The following BIN2 variants were observed in gnomAD, a reference collection of about 807,000 sequenced individuals.
The protein encoded by BIN2 is breast cancer associated protein BRAP1.
A neutral mutation model predicts 67.9 loss-of-function variants in BIN2; 43 were observed. That is an observed-to-expected ratio of 0.63 (90% confidence interval 0.50 to 0.82). The LOEUF (loss-of-function observed/expected upper bound fraction) is 0.82, where lower values mean the gene tolerates loss of function less well. BIN2 is among the 40% of genes least tolerant of loss of function. The pLI is 0.00. For missense variants in BIN2, 581 were observed against 671.6 expected, an observed-to-expected ratio of 0.87 and a Z score of 1.49; for synonymous variants, 244 against 246.8, an observed-to-expected ratio of 0.99 and a Z score of 0.11.
chr12:51,302,036 T>G lies in BIN2; in HGVS notation c.392A>C (p.Gln131Pro), dbSNP rs1473306528. ...ATTGAGTACCTTAATTTCACTGAAC[T>G]GGGCAACATAGATTTCCATGGTCCT... Reference protein sequence around the residue: ...AVRTMEIYVAQFSEIKERIAK... With the variant: ...AVRTMEIYVAPFSEIKERIAK... Residue 131 changes from glutamine to proline, a missense_variant, in exon 5 of 13, where the codon CAG (glutamine) becomes CCG (proline). By Grantham distance (76) the Gln-to-Pro change is moderately conservative. Transcript: ENST00000615107. 4.3e-6 allele frequency: 7 copies of G among 1,613,012 alleles called. No homozygotes were observed. The highest frequency in any genetic ancestry group is 4.2e-6 in the Non-Finnish European group (5 of 1,179,032).
intron 4 of BIN2, 198 bp downstream of exon 4, chr12:51,302,488 A>G (rs1307303080): frequency 3.5e-6 from 2 of 578,322 alleles, no homozygotes; most frequent in African/African-American, 3.7e-5. Flanking sequence ...AATTAGAGGG[A>G]TCCACAGATT....
chr12:51,318,733 C>G (rs1217147872), intron 1 of BIN2, among the ~76,000 whole-genome samples: 1 of 152,202 alleles, frequency 6.6e-6, no homozygotes, highest in East Asian at 1.9e-4. Context: ...TTACAGAACT[C>G]CCTTTCCCCC....
intron 10 of BIN2, among the ~76,000 whole-genome samples, chr12:51,290,859 G>A (rs1945361784): frequency 6.6e-6 from 1 of 152,202 alleles, no homozygotes; most frequent in Non-Finnish European, 1.5e-5. Context: ...TGTGAACCCG[G>A]GAGGCGGAGC....
chr12:51,308,271 C>T (rs1037403356), intron 2 of BIN2, among the ~76,000 whole-genome samples: 1 of 152,174 alleles, frequency 6.6e-6, no homozygotes, highest in Non-Finnish European at 1.5e-5. Context: ...TCCATTTCTT[C>T]ATCTATAAAT....
At chr12:51,302,809 C>T (rs1407111808) in intron 3 of BIN2, 29 bp from the exon 4 acceptor site, 5 of 1,563,234 alleles carry the variant, frequency 3.2e-6, no homozygotes, top group Non-Finnish European at 4.4e-6. Flanking sequence ...GTCCCACCAT[C>T]ATGTTTCCCC....
At chr12:51,290,867 A>C (rs968289690) in intron 10 of BIN2, among the ~76,000 whole-genome samples, 10 of 152,232 alleles carry the variant, frequency 6.6e-5, no homozygotes, top group Middle Eastern at 3.2e-3. Context: ...CGGGAGGCGG[A>C]GCTTGCAGTG....
At chr12:51,300,291 T>C (rs916117529) in intron 5 of BIN2, among the ~76,000 whole-genome samples, 4 of 151,872 alleles carry the variant, frequency 2.6e-5, no homozygotes, top group African/African-American at 9.7e-5. Flanking sequence ...TAAATACATA[T>C]ATATATTTCC....
chr12:51,299,588 G>T lies in BIN2; in HGVS notation c.516+19C>A, dbSNP rs200130190. On this transcript the variant is annotated intron_variant, in intron 6 of 12. Coordinates refer to ENST00000615107, the MANE Select transcript of BIN2 (RefSeq NM_016293.4). ...GAACAGGAAGGGTTTACCAGTTTTT[G>T]TTGTTGTTTTTGTTTTACCTTGGCA... The T allele has an allele frequency of 6.2e-6, 10 of 1,608,238 alleles. No individual in the cohort carries two copies. The highest frequency in any genetic ancestry group is 1.7e-5 in the Admixed American group (1 of 59,956).
intron 12 of BIN2, among the ~76,000 whole-genome samples, chr12:51,283,743 C>CCAGCA (rs1945171681): frequency 6.6e-6 from 1 of 152,034 alleles, no homozygotes. Context: ...GCCTGTAACC[C>CCAGCA]CAGCACTTTG....
intron 10 of BIN2, among the ~76,000 whole-genome samples, chr12:51,290,886 T>G (rs1312345537): frequency 6.6e-6 from 1 of 152,064 alleles, no homozygotes; most frequent in Non-Finnish European, 1.5e-5. Flanking sequence ...TGAGCAGAGA[T>G]CGTGCCACTG....
chr12:51,308,078 A>G (rs1945915579), intron 2 of BIN2, among the ~76,000 whole-genome samples: 1 of 152,034 alleles, frequency 6.6e-6, no homozygotes, highest in African/African-American at 2.4e-5. Context: ...CAGGTCAGCA[A>G]CAGGTATCAT....
chr12:51,319,460 T>C (rs1018253723), intron 1 of BIN2, among the ~76,000 whole-genome samples: 5 of 152,212 alleles, frequency 3.3e-5, no homozygotes, highest in African/African-American at 1.2e-4. Context: ...GGGAACAGGG[T>C]GTACAGATGC....
intron 1 of BIN2, among the ~76,000 whole-genome samples, chr12:51,315,871 C>G (rs61570206): frequency 2.6e-5 from 4 of 152,040 alleles, no homozygotes; most frequent in African/African-American, 9.7e-5. Context: ...CTCATAGGAC[C>G]CTCACTTATA....
At position 51,291,931 on chromosome 12, in the gene BIN2, C is replaced by A. The variant is rs146877980; in HGVS notation, c.1175G>T (p.Arg392Leu). Residue 392 changes from arginine to leucine, a missense_variant, in exon 10 of 13, where the codon CGC (arginine) becomes CTC (leucine). Arg to Leu is a moderately radical substitution (Grantham distance 102). Coordinates refer to ENST00000615107, the MANE Select transcript of BIN2 (RefSeq NM_016293.4). ...TTGTTCAGATCCTTCACTTGCGGTG[C>A]GGGTTCGGAGGACTACTTCTGTGGC... ...SSATEVVLRT[R>L]TASEGSEQPK... 5.6e-6 allele frequency: 9 copies of A among 1,614,028 alleles called. No homozygotes were observed. In the African/African-American group the frequency reaches 8.0e-5, roughly 14 times the overall value.
At chr12:51,312,942 G>A (rs188080365) in intron 2 of BIN2, among the ~76,000 whole-genome samples, 1 of 152,116 alleles carries the variant, frequency 6.6e-6, no homozygotes, top group East Asian at 1.9e-4. Context: ...ATATAGTAAA[G>A]AATTTGTGGG....
chr12:51,312,157 G>A (rs1946012930), intron 2 of BIN2, among the ~76,000 whole-genome samples: 1 of 152,136 alleles, frequency 6.6e-6, no homozygotes, highest in Non-Finnish European at 1.5e-5. Context: ...TGATAATAGA[G>A]CCAGGGAAGG....
chr12:51,306,429 C>G (rs554311035), intron 2 of BIN2, among the ~76,000 whole-genome samples: 174 of 152,240 alleles, frequency 1.1e-3, no homozygotes, highest in African/African-American at 3.9e-3. Context: ...GAGTTCAAGA[C>G]CAGCCTGGCC....
chr12:51,291,661 T>G lies in BIN2; in HGVS notation c.1445A>C (p.Lys482Thr). 6.2e-7 allele frequency: 1 copy of G among 1,613,660 alleles called. No individual in the cohort carries two copies. The highest frequency in any genetic ancestry group is 8.5e-7 in the Non-Finnish European group (1 of 1,179,804). The change falls in exon 10 of 13, where the codon AAA becomes ACA. Residue 482 changes from lysine (K) to threonine (T), a missense_variant. Physicochemically the swap from Lys to Thr is moderately conservative, Grantham distance 78. Transcript: ENST00000615107. ...PEKPVRTPEA[K>T]ENENIHNQNP... ...CTGATTGTGGATGTTTTCATTTTCT[T>G]TGGCCTCAGGAGTTCTTACTGGCTT... is the stretch of plus-strand genomic sequence containing the variant.
At position 51,313,920 on chromosome 12, in the gene BIN2, G is replaced by A; in HGVS notation, c.82-17C>T. 6.2e-7 allele frequency: 1 copy of A among 1,604,304 alleles called. No homozygotes were observed. Among genetic ancestry groups the A allele is most frequent in the Non-Finnish European group, 8.5e-7 (1 of 1,171,182 alleles). On this transcript the variant is annotated splice_polypyrimidine_tract_variant and intron_variant, in intron 1 of 12. Transcript: ENST00000615107. Reference sequence around the variant, plus strand: ...CTGCAGCACCTAGGGATATAAGTCAGAAAGGCCCGTAAGGTTATAGTCAAG... The same window carrying A: ...CTGCAGCACCTAGGGATATAAGTCAAAAAGGCCCGTAAGGTTATAGTCAAG...
Sources: allele counts gnomAD v4.1 joint callset (sites outside exome capture counted in the v4.1 genomes callset), GRCh38; gene constraint gnomAD v4.1.1; transcripts MANE v1.5; gene names NCBI Gene and HGNC (gene_info 2026-07-23, HGNC 2026-07-21).